PCSK5: variants seen among roughly 807,000 people sequenced by gnomAD.
PCSK5 encodes proprotein convertase subtilisin/kexin type 5.
PCSK5 carries 129 observed loss-of-function variants against 233.2 expected under a neutral mutation model. The observed-to-expected ratio is 0.55, with a 90% CI of 0.48 to 0.64. The LOEUF is 0.64. Ranked by LOEUF, PCSK5 falls within the 30% of genes least tolerant of loss-of-function variation. The pLI is 0.00. For synonymous variants in PCSK5, 825 were observed against 879.2 expected, an observed-to-expected ratio of 0.94 and a Z score of 1.09; for missense variants, 2,076 against 2,430.1, an observed-to-expected ratio of 0.85 and a Z score of 3.06.
chr9:76,082,067 A>G (rs1339883932), intron 7 of PCSK5, among the ~76,000 whole-genome samples: 5 of 151,852 alleles, frequency 3.3e-5, no homozygotes, highest in Non-Finnish European at 2.9e-5. Context: ...GCTCCTTATG[A>G]CTGACAAGGA....
chr9:75,991,460 T>TG (rs1826764876), intron 3 of PCSK5, among the ~76,000 whole-genome samples: 2 of 152,334 alleles, frequency 1.3e-5, no homozygotes, highest in South Asian at 4.1e-4. Flanking sequence ...TTTAAACTTA[T>TG]GGGGCATTTT....
intron 10 of PCSK5, among the ~76,000 whole-genome samples, chr9:76,150,152 T>C (rs1294842780): frequency 1.3e-5 from 2 of 152,192 alleles, no homozygotes; most frequent in African/African-American, 2.4e-5. Context: ...AAAGAGCCTG[T>C]CTGACTATGT....
At chr9:75,985,192 GA>G (rs1191252406) in intron 2 of PCSK5, among the ~76,000 whole-genome samples, 2 of 152,156 alleles carry the variant, frequency 1.3e-5, no homozygotes, top group Non-Finnish European at 1.5e-5. Context: ...GCTAAAACTG[GA>G]ACATGCTTAT....
rs963371245 is a variant in PCSK5, at chr9:76,233,755, C to T, written c.2866+159C>T. ...TGTACAACCTTGAACTTTCTGCTTG[C>T]TGTCAGTACACAAAAAGCTTGTTCA... On this transcript the variant is annotated intron_variant, in intron 22 of 37. Coordinates refer to ENST00000674117, the MANE Select transcript of PCSK5 (RefSeq NM_001372043.1). Among the ~76,000 whole-genome samples the T allele has an allele frequency of 9.2e-5, 14 of 152,266 alleles. No homozygotes were observed. The East Asian group carries it at 2.5e-3, about 27-fold the overall frequency.
chr9:75,935,357 G>A (rs1307639756), intron 2 of PCSK5, among the ~76,000 whole-genome samples: 1 of 152,172 alleles, frequency 6.6e-6, no homozygotes, highest in Non-Finnish European at 1.5e-5. Context: ...GTGAGCCACT[G>A]AGCCCGGCCG....
At chr9:76,257,365 G>A (rs886936267) in intron 24 of PCSK5, among the ~76,000 whole-genome samples, 3 of 152,184 alleles carry the variant, frequency 2.0e-5, no homozygotes, top group Non-Finnish European at 4.4e-5. Context: ...GTGTGGATAA[G>A]ACAGGAGCAT....
chr9:76,195,152 AC>A (rs1824628511), intron 20 of PCSK5: 1 of 155,018 alleles, frequency 6.5e-6, no homozygotes, highest in South Asian at 2.0e-4. Context: ...TCCCCTTATA[AC>A]ACCACAGGCC....
At chr9:76,213,722 C>T (rs1564112492) in intron 20 of PCSK5, among the ~76,000 whole-genome samples, 1 of 152,124 alleles carries the variant, frequency 6.6e-6, no homozygotes, top group Non-Finnish European at 1.5e-5. Context: ...AACTGATGTT[C>T]CGTTATCTGT....
intron 2 of PCSK5, among the ~76,000 whole-genome samples, chr9:75,975,097 C>G (rs1041212361): frequency 1.1e-4 from 16 of 152,260 alleles, no homozygotes; most frequent in Middle Eastern, 3.4e-3. Flanking sequence ...GAGAATGCCT[C>G]TTACTTAAAA....
chr9:75,900,689 A>C (rs1010986027), intron 1 of PCSK5, among the ~76,000 whole-genome samples: 1 of 148,632 alleles, frequency 6.7e-6, no homozygotes, highest in African/African-American at 2.5e-5. Flanking sequence ...AAAAAAAAAA[A>C]AAAAACAAAC....
intron 5 of PCSK5, among the ~76,000 whole-genome samples, chr9:76,058,238 A>G (rs1256873413): frequency 6.6e-6 from 1 of 152,180 alleles, no homozygotes; most frequent in Non-Finnish European, 1.5e-5. Context: ...AGGCAGGTAC[A>G]TGCATTTTCG....
At chr9:75,932,028 T>C (rs1823829542) in intron 1 of PCSK5, among the ~76,000 whole-genome samples, 1 of 152,210 alleles carries the variant, frequency 6.6e-6, no homozygotes, top group African/African-American at 2.4e-5. Context: ...TAGATAGCTA[T>C]TTGATTTTCC....
At chr9:76,236,212 C>T (rs990371255) in intron 22 of PCSK5, among the ~76,000 whole-genome samples, 3 of 152,144 alleles carry the variant, frequency 2.0e-5, no homozygotes, top group Non-Finnish European at 2.9e-5. Context: ...TTCAGAATCC[C>T]TGCACCTTTC....
chr9:76,191,134 T>C (rs538370253), intron 20 of PCSK5, among the ~76,000 whole-genome samples: 1 of 152,332 alleles, frequency 6.6e-6, no homozygotes, highest in African/African-American at 2.4e-5. Flanking sequence ...TACATGCCAA[T>C]GATGTAGAAA....
chr9:76,017,394 C>G (rs543688186), intron 3 of PCSK5, among the ~76,000 whole-genome samples: 26 of 152,268 alleles, frequency 1.7e-4, no homozygotes, highest in Admixed American at 7.8e-4. Flanking sequence ...TATAAGAAGG[C>G]TTTGCCCCTA....
intron 30 of PCSK5, among the ~76,000 whole-genome samples, chr9:76,318,182 T>G (rs896840115): frequency 6.6e-6 from 1 of 152,110 alleles, no homozygotes; most frequent in African/African-American, 2.4e-5. Flanking sequence ...TGGACGAAGC[T>G]GGAAACCTTC....
chr9:76,024,011 C>T, intron 4 of PCSK5, 130 bp downstream of exon 4: 3 of 675,522 alleles, frequency 4.4e-6, no homozygotes, highest in East Asian at 6.0e-5. Flanking sequence ...TTTTGCTTCT[C>T]TCTGGTAAAA....
At chr9:76,190,347 T>TACAGTCTC (rs1824311589) in intron 20 of PCSK5, among the ~76,000 whole-genome samples, 1 of 149,742 alleles carries the variant, frequency 6.7e-6, no homozygotes, top group African/African-American at 2.5e-5. Flanking sequence ...TTTTTTTTTT[T>TACAGTCTC]TACAGTCTCC....
chr9:76,090,710 A>T (rs1051184126), intron 7 of PCSK5, among the ~76,000 whole-genome samples: 3 of 152,176 alleles, frequency 2.0e-5, no homozygotes, highest in African/African-American at 7.2e-5. Context: ...GTTTCATGGA[A>T]GTCAGTTTTT....
Sources: allele counts gnomAD v4.1 joint callset (sites outside exome capture counted in the v4.1 genomes callset), GRCh38; gene constraint gnomAD v4.1.1; transcripts MANE v1.5; gene names NCBI Gene and HGNC (gene_info 2026-07-23, HGNC 2026-07-21).